The following JCAD variants were observed in gnomAD, a reference collection of about 807,000 sequenced individuals.
JCAD encodes the protein junctional cadherin 5 associated.
JCAD carries 40 observed loss-of-function variants against 98.0 expected under a neutral mutation model. That is an observed-to-expected ratio of 0.41 (90% CI 0.32 to 0.53). JCAD has a LOEUF of 0.53. Ranked by LOEUF, JCAD falls within the 20% of genes least tolerant of loss-of-function variation. JCAD has a pLI of 0.31. For synonymous variants in JCAD, 691 were observed against 682.3 expected (o/e 1.01, Z -0.20); for missense variants, 1,705 against 1,738.1 (o/e 0.98, Z 0.34).
chr10:30,088,813 T>C (rs2132692332), intron 1 of JCAD, among the ~76,000 whole-genome samples: 1 of 151,914 alleles, frequency 6.6e-6, no homozygotes, highest in South Asian at 2.1e-4. Context: ...ACTAAAAAAA[T>C]ACAAAAATTA....
At chr10:30,103,733 CTTTTTTTTTT>C (rs3858238) in intron 1 of JCAD, among the ~76,000 whole-genome samples, 3 of 126,748 alleles carry the variant, frequency 2.4e-5, no homozygotes, top group Non-Finnish European at 4.9e-5. Context: ...GTCAATTTTT[CTTTTTTTTTT>C]TTTTTTTGGA....
intron 1 of JCAD, chr10:30,069,901 T>C (rs899317097): frequency 1.3e-5 from 2 of 152,196 alleles, no homozygotes; most frequent in African/African-American, 4.8e-5. Flanking sequence ...GTTTTAAATC[T>C]GTTGGGAGTT....
intron 1 of JCAD, among the ~76,000 whole-genome samples, chr10:30,104,574 G>A (rs1424214744): frequency 6.6e-6 from 1 of 152,194 alleles, no homozygotes; most frequent in African/African-American, 2.4e-5. Context: ...GACCACTAGA[G>A]CGTCCAGGGA....
chr10:30,038,412 G>A (rs1471347055), intron 2 of JCAD, among the ~76,000 whole-genome samples: 2 of 152,096 alleles, frequency 1.3e-5, no homozygotes, highest in Non-Finnish European at 2.9e-5. Flanking sequence ...GAGCCGGCAC[G>A]GAGGTTCATG....
intron 1 of JCAD, among the ~76,000 whole-genome samples, chr10:30,090,490 G>A (rs1240727129): frequency 2.0e-5 from 3 of 147,336 alleles, no homozygotes; most frequent in African/African-American, 5.0e-5. Flanking sequence ...GCAATGAGCC[G>A]AGATTTTGCC....
chr10:30,067,714 A>C (rs548761170), intron 2 of JCAD, among the ~76,000 whole-genome samples: 1 of 152,336 alleles, frequency 6.6e-6, no homozygotes, highest in South Asian at 2.1e-4. Context: ...AAAGGGTAGC[A>C]CTTACTAGCG....
chr10:30,052,548 G>T (rs941125384), intron 1 of JCAD, among the ~76,000 whole-genome samples: 10 of 152,304 alleles, frequency 6.6e-5, no homozygotes, highest in African/African-American at 2.4e-4. Context: ...GGCCACCCAA[G>T]AGAGTAGGGA....
In JCAD at chr10:30,098,433, G is replaced by T. The variant is rs373987481; in HGVS notation, n.128+16934C>A. ...CACCACATCTAGGCCTGGTTTCTTTGTTAGTCACTCTTCGCCCTGCATTTC... is the reference window on the plus strand; with the variant it reads ...CACCACATCTAGGCCTGGTTTCTTTTTTAGTCACTCTTCGCCCTGCATTTC... On this transcript the variant is annotated intron_variant and non_coding_transcript_variant, in intron 1 of 2. Transcript: ENST00000465712. Among the ~76,000 whole-genome samples, 133 of 152,126 alleles carry T rather than the reference G, an allele frequency of 8.7e-4. 4 individuals carry two copies. In the South Asian group the frequency reaches 0.027, roughly 31 times the overall value.
At chr10:30,053,059 G>A (rs1189958578) in intron 1 of JCAD, among the ~76,000 whole-genome samples, 1 of 152,036 alleles carries the variant, frequency 6.6e-6, no homozygotes, top group Non-Finnish European at 1.5e-5. Context: ...AAGATGAAAA[G>A]CATGGTCACC....
intron 3 of JCAD, among the ~76,000 whole-genome samples, chr10:30,019,252 G>T (rs1004393154): frequency 6.6e-6 from 1 of 151,592 alleles, no homozygotes; most frequent in African/African-American, 2.4e-5. Flanking sequence ...AGCTACTCGG[G>T]AGGCTGAGGC....
chr10:30,092,790 G>A (rs1262956572), intron 1 of JCAD, among the ~76,000 whole-genome samples: 3 of 152,172 alleles, frequency 2.0e-5, no homozygotes, highest in African/African-American at 4.8e-5. Flanking sequence ...AATGGTACAA[G>A]AGCAATGTTT....
At position 30,029,427 on chromosome 10, in the gene JCAD, G is replaced by T; in HGVS notation, c.721C>A (p.Leu241Met). The change falls in exon 3 of 4, where the codon CTG becomes ATG. Residue 241 changes from leucine to methionine, a missense_variant. Transcript: ENST00000375377. Reference sequence around the variant, plus strand: ...GGAATGGGAATTTCCGTGCAACTCAGGCTCTCGGGGGAAAGAACTCTAGGC... The same window carrying T: ...GGAATGGGAATTTCCGTGCAACTCATGCTCTCGGGGGAAAGAACTCTAGGC... ...SLPRVLSPES[L>M]SCTEIPIPLN... is the part of the protein sequence containing the mutation. 6.2e-7 allele frequency: 1 copy of T among 1,614,166 alleles called. No individual in the cohort carries two copies. The highest frequency in any genetic ancestry group is 2.2e-5 in the East Asian group (1 of 44,884).
chr10:30,066,534 G>C (rs747086353), intron 2 of JCAD, among the ~76,000 whole-genome samples: 2 of 151,974 alleles, frequency 1.3e-5, no homozygotes, highest in Non-Finnish European at 2.9e-5. Flanking sequence ...TGCCCTCCAG[G>C]GAATGGCAGT....
chr10:30,112,825 T>C (rs1047754698), intron 1 of JCAD, among the ~76,000 whole-genome samples: 9 of 150,286 alleles, frequency 6.0e-5, no homozygotes, highest in East Asian at 2.0e-4. Context: ...TGAGCCAAGA[T>C]TGTACCACTG....
chr10:30,108,271 C>T (rs1481086731), intron 1 of JCAD, among the ~76,000 whole-genome samples: 2 of 151,490 alleles, frequency 1.3e-5, no homozygotes, highest in African/African-American at 4.9e-5. Context: ...GAGATCATGC[C>T]ATTATGCTCC....
At chr10:30,061,323 A>G (rs181381332), upstream of JCAD, among the ~76,000 whole-genome samples, 335 of 152,294 alleles carry the variant, frequency 2.2e-3, no homozygotes, top group Admixed American at 3.8e-3. Flanking sequence ...CAGGCGGATC[A>G]CCGGAGGTCT....
intron 1 of JCAD, among the ~76,000 whole-genome samples, chr10:30,056,096 A>G (rs1382034734): frequency 1.3e-5 from 2 of 152,228 alleles, no homozygotes; most frequent in African/African-American, 2.4e-5. Flanking sequence ...CTCAAACTGG[A>G]TAAGATTTTT....
At chr10:30,054,890 C>G (rs1837537914) in intron 1 of JCAD, among the ~76,000 whole-genome samples, 1 of 152,024 alleles carries the variant, frequency 6.6e-6, no homozygotes, top group South Asian at 2.1e-4. Flanking sequence ...AGGATGGTCT[C>G]GATCTCCTGA....
In JCAD at chr10:30,104,883, T is replaced by C. The variant is rs368707376; in HGVS notation, n.128+10484A>G. Among the ~76,000 whole-genome samples the C allele has an allele frequency of 1.9e-4, 29 of 152,032 alleles. 3 individuals are homozygous for C. In the South Asian group the frequency reaches 4.6e-3, roughly 24 times the overall value. On this transcript the variant is annotated intron_variant and non_coding_transcript_variant, in intron 1 of 2. Transcript: ENST00000465712. Reference sequence around the variant, plus strand: ...GGAGGGTTGGGGGTTGGCTGAAAAATGGTAGCTCAATTCTGTTATTCACAT... The same window carrying C: ...GGAGGGTTGGGGGTTGGCTGAAAAACGGTAGCTCAATTCTGTTATTCACAT...
Sources: allele counts gnomAD v4.1 joint callset (sites outside exome capture counted in the v4.1 genomes callset), GRCh38; gene constraint gnomAD v4.1.1; transcripts MANE v1.5; gene names NCBI Gene and HGNC (gene_info 2026-07-23, HGNC 2026-07-21).